GAS2: variants seen among roughly 807,000 people sequenced by gnomAD.
GAS2 encodes the protein growth arrest specific 2, also known as growth arrest-specific protein 2.
GAS2 carries 20 observed loss-of-function variants against 37.5 expected under a neutral mutation model. The observed-to-expected ratio is 0.53, with a 90% CI of 0.37 to 0.77. The LOEUF (loss-of-function observed/expected upper bound fraction) is 0.77, where lower values mean the gene tolerates loss of function less well. Ranked by LOEUF, GAS2 falls within the 30% of genes least tolerant of loss-of-function variation. GAS2 has a pLI of 0.00. For missense variants in GAS2, 336 were observed against 373.4 expected (o/e 0.90, Z 0.82); for synonymous variants, 144 against 132.2 (o/e 1.09, Z -0.61).
intron 1 of GAS2, among the ~76,000 whole-genome samples, chr11:22,646,751 C>T (rs1035053110): frequency 2.6e-5 from 4 of 152,088 alleles, no homozygotes; most frequent in South Asian, 4.1e-4. Context: ...ACACCATCCA[C>T]GGTAAATGGC....
chr11:22,668,441 G>A (rs1411767637), intron 1 of GAS2: 1 of 152,206 alleles, frequency 6.6e-6, no homozygotes, highest in Non-Finnish European at 1.5e-5. Flanking sequence ...AAGGTAGCTT[G>A]GATTTCAGCC....
intron 7 of GAS2, among the ~76,000 whole-genome samples, chr11:22,772,502 C>T (rs1855033177): frequency 6.6e-6 from 1 of 152,078 alleles, no homozygotes; most frequent in Non-Finnish European, 1.5e-5. Context: ...GATGGTGTGG[C>T]ATTTTCTAAA....
chr11:22,746,087 T>C (rs1167321033), intron 5 of GAS2, among the ~76,000 whole-genome samples: 4 of 151,888 alleles, frequency 2.6e-5, no homozygotes, highest in African/African-American at 7.3e-5. Context: ...AGGGCTGAGG[T>C]TGGAGGATCA....
At chr11:22,726,267 T>C (rs1852208571) in intron 3 of GAS2, 25 bp from the exon 4 acceptor site, 1 of 1,582,908 alleles carries the variant, frequency 6.3e-7, no homozygotes, top group Non-Finnish European at 8.5e-7. Context: ...AGATTTCTCC[T>C]AGAACGAATT....
chr11:22,695,342 T>A (rs1850449997), intron 3 of GAS2, among the ~76,000 whole-genome samples: 1 of 151,962 alleles, frequency 6.6e-6, no homozygotes, highest in African/African-American at 2.4e-5. Flanking sequence ...AAAAGACTCT[T>A]TATTCTGTGG....
At chr11:22,749,080 A>T in intron 5 of GAS2, 40 bp from the exon 6 acceptor site, 1 of 1,557,050 alleles carries the variant, frequency 6.4e-7, no homozygotes, top group South Asian at 1.2e-5. Flanking sequence ...TTGTATCATT[A>T]TAAGTTATGC....
At chr11:22,711,082 C>T (rs1192878096) in intron 3 of GAS2, among the ~76,000 whole-genome samples, 2 of 152,154 alleles carry the variant, frequency 1.3e-5, no homozygotes, top group Admixed American at 6.5e-5. Context: ...AAATAATTCA[C>T]AGACCCTTTG....
At chr11:22,791,239 G>A (rs1856145481) in intron 7 of GAS2, among the ~76,000 whole-genome samples, 1 of 152,210 alleles carries the variant, frequency 6.6e-6, no homozygotes, top group Non-Finnish European at 1.5e-5. Flanking sequence ...TAGAAAAGGT[G>A]TAGAGGGGAT....
intron 1 of GAS2, among the ~76,000 whole-genome samples, chr11:22,638,211 C>T (rs1858863907): frequency 6.6e-6 from 1 of 152,130 alleles, no homozygotes; most frequent in Admixed American, 6.6e-5. Flanking sequence ...ATAAAAGACA[C>T]AACTTGCTGC....
Position 22,755,948 on chromosome 11 carries a change from A to G in GAS2, c.718A>G (p.Ile240Val), listed in dbSNP as rs1325554505. Residue 240 changes from isoleucine (I) to valine (V), a missense_variant, in exon 7 of 8, where the codon ATT becomes GTT. Physicochemically the swap from Ile to Val is conservative, Grantham distance 29. Coordinates refer to ENST00000454584, the MANE Select transcript of GAS2 (RefSeq NM_001143830.3). Reference sequence around the variant, plus strand: ...CCGAGTGGGAGAAAAGATCCTCTTCATTAGGGTAAAGTTTTACTTTTCACT... The same window carrying G: ...CCGAGTGGGAGAAAAGATCCTCTTCGTTAGGGTAAAGTTTTACTTTTCACT... ...RYRVGEKILF[I>V]RMLHNKHVMV... 2 of 1,602,504 alleles carry G rather than the reference A, an allele frequency of 1.2e-6. No homozygotes were observed. The highest frequency in any genetic ancestry group is 1.7e-5 in the Admixed American group (1 of 59,722).
chr11:22,702,965 A>G (rs1041722130), intron 3 of GAS2, among the ~76,000 whole-genome samples: 1 of 152,286 alleles, frequency 6.6e-6, no homozygotes. Flanking sequence ...CTCAAACCAT[A>G]ATATATTGTT....
chr11:22,680,982 G>A (rs1347219722), intron 2 of GAS2, among the ~76,000 whole-genome samples: 1 of 152,106 alleles, frequency 6.6e-6, no homozygotes, highest in Non-Finnish European at 1.5e-5. Context: ...CCACTTCACA[G>A]TTTTCTTGAG....
intron 1 of GAS2, among the ~76,000 whole-genome samples, chr11:22,674,487 A>G (rs1385110427): frequency 6.6e-6 from 1 of 152,224 alleles, no homozygotes; most frequent in Non-Finnish European, 1.5e-5. Context: ...ATGGTTTTAA[A>G]TAGCCCAAAC....
intron 4 of GAS2, among the ~76,000 whole-genome samples, chr11:22,729,957 A>G (rs1474622468): frequency 6.6e-6 from 1 of 151,788 alleles, no homozygotes; most frequent in Non-Finnish European, 1.5e-5. Context: ...GCTTCCAAAA[A>G]TGTATTAAAA....
intron 1 of GAS2, among the ~76,000 whole-genome samples, chr11:22,654,388 C>T (rs1417654080): frequency 6.6e-6 from 1 of 151,364 alleles, no homozygotes; most frequent in Non-Finnish European, 1.5e-5. Flanking sequence ...TCCCTCTCTT[C>T]CTTCTTTCCT....
intron 7 of GAS2, among the ~76,000 whole-genome samples, chr11:22,784,056 A>G (rs1396846116): frequency 6.6e-6 from 1 of 152,086 alleles, no homozygotes; most frequent in Admixed American, 6.6e-5. Flanking sequence ...GCCTTGTAGT[A>G]TAGTTTGAAG....
chr11:22,797,180 G>A (rs1005895930), intron 7 of GAS2, among the ~76,000 whole-genome samples: 9 of 151,996 alleles, frequency 5.9e-5, no homozygotes, highest in Admixed American at 3.9e-4. Context: ...AGGACTGACC[G>A]GCAGTTGGCG....
Position 22,749,208 on chromosome 11 carries a change from C to G in GAS2, c.562C>G (p.Pro188Ala). ...TTCTGCCCCTTCTCCTTCACCTTCT[C>G]CTTCATCAAAGTCTTCTGGAAAAAA... ...TLSAPSPSPS[P>A]SSKSSGKKST... The change falls in exon 6 of 8, where the codon CCT becomes GCT. Residue 188 changes from proline to alanine, a missense_variant. Pro to Ala is a conservative substitution (Grantham distance 27, BLOSUM62 -1). Coordinates refer to ENST00000454584, the MANE Select transcript of GAS2 (RefSeq NM_001143830.3). The G allele has an allele frequency of 1.2e-6, 2 of 1,612,642 alleles. No homozygotes were observed. The highest frequency in any genetic ancestry group is 1.7e-6 in the Non-Finnish European group (2 of 1,179,158).
intron 7 of GAS2, among the ~76,000 whole-genome samples, chr11:22,811,027 A>G (rs1345340897): frequency 1.3e-5 from 2 of 152,100 alleles, no homozygotes; most frequent in Non-Finnish European, 1.5e-5. Flanking sequence ...AAATTTTCTG[A>G]TATTTGCAAG....
Sources: allele counts gnomAD v4.1 joint callset (sites outside exome capture counted in the v4.1 genomes callset), GRCh38; gene constraint gnomAD v4.1.1; transcripts MANE v1.5; gene names NCBI Gene and HGNC (gene_info 2026-07-23, HGNC 2026-07-21).